PTPN18: variants seen among roughly 807,000 people sequenced by gnomAD.
PTPN18 encodes protein tyrosine phosphatase non-receptor type 18, also known as tyrosine-protein phosphatase non-receptor type 18.
A neutral mutation model predicts 65.4 loss-of-function variants in PTPN18; 65 were observed. The ratio of observed to expected loss-of-function variants is 0.99; its 90% CI spans 0.81 to 1.22. PTPN18 has a LOEUF of 1.22. Ranked by LOEUF, PTPN18 falls within the 50% of genes most tolerant of loss-of-function variation. The pLI, the probability that PTPN18 is intolerant of heterozygous loss-of-function variation, is 0.00. For synonymous variants in PTPN18, 255 were observed against 267.8 expected (o/e 0.95, Z 0.47); for missense variants, 616 against 646.5 (o/e 0.95, Z 0.51).
chr2:130,369,006 T>A, intron 5 of PTPN18, 127 bp from the exon 6 acceptor site: 1 of 731,512 alleles, frequency 1.4e-6, no homozygotes, highest in Non-Finnish European at 2.3e-6. Context: ...GCGTCTGTTA[T>A]AGGTTATAAG....
chr2:130,372,737 G>T, intron 13 of PTPN18, 136 bp from the exon 14 acceptor site: 1 of 1,109,664 alleles, frequency 9.0e-7, no homozygotes, highest in Non-Finnish European at 1.3e-6. Flanking sequence ...GGCCACGTCC[G>T]GGGTGTGTGC....
At chr2:130,358,805 A>G in intron 1 of PTPN18, 62 bp from the exon 2 acceptor site, 1 of 1,424,664 alleles carries the variant, frequency 7.0e-7, no homozygotes, top group Non-Finnish European at 9.8e-7. Flanking sequence ...GTGGCCTGGG[A>G]CTCTGACCTG....
Position 130,374,678 on chromosome 2 carries a change from C to CAG in PTPN18, c.*1454_*1455insAG. ...CTCTCACTTTCAGGTCTCTGGACCT[C>CAG]TGACTGACACTGTGCCTGCCCAGGT... On this transcript the variant is annotated 3_prime_UTR_variant, in exon 15 of 15. Coordinates refer to ENST00000175756, the MANE Select transcript of PTPN18 (RefSeq NM_014369.4). 1 of 471,454 alleles carries CAG rather than the reference C, an allele frequency of 2.1e-6. No individual in the cohort carries two copies. Among genetic ancestry groups the CAG allele is most frequent in the Admixed American group, 2.3e-5 (1 of 42,596 alleles). 29.2% of individuals were successfully genotyped at this position (471,454 alleles called of 1,614,324 possible).
At chr2:130,358,765 A>G in intron 1 of PTPN18, 102 bp from the exon 2 acceptor site, 1 of 892,602 alleles carries the variant, frequency 1.1e-6, no homozygotes, top group Non-Finnish European at 1.8e-6. Context: ...TCCCCAGGCC[A>G]CTGGCTTTGT....
chr2:130,372,324 G>T lies in PTPN18; in HGVS notation c.1081G>T (p.Gly361Trp). 1 of 1,463,474 alleles carries T rather than the reference G, an allele frequency of 6.8e-7. No homozygotes were observed. The allele number at this position is 1,463,474 out of a possible 1,614,324, so 90.7% of individuals were successfully genotyped here. A position where few individuals can be genotyped will look rare whatever the true frequency, so the allele number is the denominator to read the frequency against. ...ADTYAVVQKR[G>W]APAGAGSGTQ... ...CACCTACGCGGTGGTGCAGAAGCGC[G>T]GGGCTCCAGCGGGCGCCGGGAGTGG... is the stretch of plus-strand genomic sequence containing the variant. The change falls in exon 13 of 15, where the codon GGG (glycine) becomes TGG (tryptophan). Residue 361 changes from glycine to tryptophan, a missense_variant. Gly to Trp is a radical substitution (Grantham distance 184, BLOSUM62 -2). Coordinates refer to ENST00000175756, the MANE Select transcript of PTPN18 (RefSeq NM_014369.4).
chr2:130,359,711 T>A, intron 5 of PTPN18, 65 bp downstream of exon 5: 1 of 1,566,676 alleles, frequency 6.4e-7, no homozygotes, highest in Non-Finnish European at 8.8e-7. Context: ...TCTTGCTAGC[T>A]CCTCCTTGAC....
intron 12 of PTPN18, 114 bp downstream of exon 12, chr2:130,371,401 T>C: frequency 4.5e-6 from 4 of 897,746 alleles, no homozygotes; most frequent in Non-Finnish European, 3.3e-6. Context: ...TCGCTGGCCC[T>C]TTCTTCGAAT....
chr2:130,372,027 C>G, intron 12 of PTPN18: 1 of 515,986 alleles, frequency 1.9e-6, no homozygotes, highest in Non-Finnish European at 3.4e-6. Flanking sequence ...CTCAAACCAA[C>G]ACTCTGCCCC....
intron 1 of PTPN18, among the ~76,000 whole-genome samples, chr2:130,357,872 A>T (rs1312395320): frequency 5.3e-5 from 8 of 151,940 alleles, no homozygotes; most frequent in Non-Finnish European, 1.0e-4. Context: ...AAAAAAAAAA[A>T]AAGTAACAGA....
At position 130,371,514 on chromosome 2, in the gene PTPN18, T is replaced by C. The variant is rs185860585; in HGVS notation, c.1013+227T>C. Among the ~76,000 whole-genome samples, 481 of 152,310 alleles carry C rather than the reference T, an allele frequency of 3.2e-3. 6 individuals are homozygous for C. The highest frequency in any genetic ancestry group is 0.011 in the African/African-American group (457 of 41,572). ...CTTGCCCTGCCTTCTGAGTTAGGCCTTTCCTGGATCCTCTAATCAAACCTT... is the reference window on the plus strand; with the variant it reads ...CTTGCCCTGCCTTCTGAGTTAGGCCCTTCCTGGATCCTCTAATCAAACCTT... On this transcript the variant is annotated intron_variant, in intron 12 of 14. Coordinates refer to ENST00000175756, the MANE Select transcript of PTPN18 (RefSeq NM_014369.4).
At chr2:130,359,539 A>G in intron 4 of PTPN18, 47 bp downstream of exon 4, 1 of 1,612,148 alleles carries the variant, frequency 6.2e-7, no homozygotes, top group Non-Finnish European at 8.5e-7. Context: ...ACATCTAAGT[A>G]CCCCCTCGGC....
In PTPN18 at chr2:130,358,962, A is replaced by G; in HGVS notation, c.189A>G (p.Lys63=). ...AGAACGTGAGGAAGAACCGCTACAA[A>G]GACGTGCTGCCTTGTAAGTCGGGGC... ...RPENVRKNRY[K]DVLPYDQTRV... is the part of the protein sequence containing the mutation. Residue 63 remains lysine (K), a synonymous_variant, in exon 2 of 15, where the codon AAA becomes AAG. Coordinates refer to ENST00000175756, the MANE Select transcript of PTPN18 (RefSeq NM_014369.4). 3 of 1,614,072 alleles carry G rather than the reference A, an allele frequency of 1.9e-6. No individual in the cohort carries two copies. Among genetic ancestry groups the G allele is most frequent in the Non-Finnish European group, 2.5e-6 (3 of 1,179,924 alleles).
chr2:130,356,176 G>T lies in PTPN18; in HGVS notation c.69G>T (p.Gly23=). 1 of 1,316,482 alleles carries T rather than the reference G, an allele frequency of 7.6e-7. No individual in the cohort carries two copies. Among genetic ancestry groups the T allele is most frequent in the Non-Finnish European group, 9.6e-7 (1 of 1,036,744 alleles). The allele number at this position is 1,316,482 out of a possible 1,614,324, so 81.6% of individuals were successfully genotyped here. ...TGGAAGCGCGGGGCGGCCGGGAGGG[G>T]GCAGTCCTCGCCGGCGAGTTCAGCG... is the stretch of plus-strand genomic sequence containing the variant. ...ERLEARGGRE[G]AVLAGEFSDI... is the part of the protein sequence containing the mutation. Residue 23 remains glycine (G), a synonymous_variant, in exon 1 of 15, where the codon GGG becomes GGT. Coordinates refer to ENST00000175756, the MANE Select transcript of PTPN18 (RefSeq NM_014369.4).
At position 130,373,701 on chromosome 2, in the gene PTPN18, T is replaced by C; in HGVS notation, c.*477T>C. On this transcript the variant is annotated 3_prime_UTR_variant, in exon 15 of 15. Transcript: ENST00000175756. The surrounding 1 kb of genome is among the most constrained non-coding windows in gnomAD (Gnocchi z 4.1). ...GCAGACCGATAAAAAGACCTCCAGA[T>C]AGGCAGACAGACAGATGGACCACCA... The C allele has an allele frequency of 6.5e-6, 1 of 153,394 alleles. No individual in the cohort carries two copies. Among genetic ancestry groups the C allele is most frequent in the Non-Finnish European group, 1.4e-5 (1 of 69,046 alleles). The allele number at this position is 153,394 out of a possible 1,614,324, so 9.5% of individuals were successfully genotyped here. A position where few individuals can be genotyped will look rare whatever the true frequency, so the allele number is the denominator to read the frequency against.
rs928652121 is a variant in PTPN18, at chr2:130,370,231, G to A, written c.689+41G>A. 2.5e-6 allele frequency: 4 copies of A among 1,603,378 alleles called. No individual in the cohort carries two copies. The African/African-American group carries it at 5.3e-5, about 21-fold the overall frequency. ...TTCAGGAGGGTCTGGTGAGGCAGAG[G>A]GGACAGAGCATGGAGGGGAGTACAG... On this transcript the variant is annotated intron_variant, in intron 8 of 14. Coordinates refer to ENST00000175756, the MANE Select transcript of PTPN18 (RefSeq NM_014369.4).
At position 130,372,875 on chromosome 2, in the gene PTPN18, C is replaced by G; in HGVS notation, c.1243C>G (p.Pro415Ala). Residue 415 changes from proline (P) to alanine (A), a missense_variant and splice_region_variant, in exon 14 of 15, where the codon CCT becomes GCT. Pro to Ala is a conservative substitution (Grantham distance 27, BLOSUM62 -1). Around this residue, in one of 3 missense-constraint regions of PTPN18, gnomAD observed 368 missense variants for 386.7 expected, o/e 0.95. Transcript: ENST00000175756. The stretch of plus-strand genomic sequence containing the variant: ...CGTGGGGGGTCTGCTGCCCTCAGTT[C>G]CTGCTGACCAAAGTCCTGCCGGATC... ...DARGTLPGRVPADQSPAGSGA... is the reference protein window; with the variant it reads ...DARGTLPGRVAADQSPAGSGA... 6.2e-7 allele frequency: 1 copy of G among 1,614,160 alleles called. No homozygotes were observed. Among genetic ancestry groups the G allele is most frequent in the Admixed American group, 1.7e-5 (1 of 60,032 alleles).
At chr2:130,357,728 C>T (rs1161298775) in intron 1 of PTPN18, among the ~76,000 whole-genome samples, 2 of 151,850 alleles carry the variant, frequency 1.3e-5, no homozygotes, top group Non-Finnish European at 1.5e-5. Flanking sequence ...TGGTGGCGGG[C>T]GCCTGTAGTC....
intron 12 of PTPN18, chr2:130,371,886 T>C (rs1053001330): frequency 1.7e-5 from 4 of 234,692 alleles, no homozygotes; most frequent in Non-Finnish European, 3.3e-5. Context: ...CGTTGGGTGC[T>C]GCGGACATGG....
At chr2:130,371,145 G>T in intron 11 of PTPN18, 54 bp from the exon 12 acceptor site, 1 of 1,493,816 alleles carries the variant, frequency 6.7e-7, no homozygotes. Flanking sequence ...AGAGCCCCTT[G>T]AGAGGCCTGG....
Sources: gnomAD v4.1 joint callset for allele counts (sites outside exome capture counted in the v4.1 genomes callset) on GRCh38, gnomAD v4.1.1 for gene constraint, gnomAD v4.1.1 regional missense constraint, Gnocchi (gnomAD v3.1) non-coding constraint, MANE v1.5 for transcripts, NCBI Gene and HGNC (gene_info 2026-07-23, HGNC 2026-07-21) for gene names.